The following TTC29 variants were observed in gnomAD, a reference collection of about 807,000 sequenced individuals.
TTC29 encodes the protein tetratricopeptide repeat domain 29.
In TTC29, 49 loss-of-function variants were observed where a neutral mutation model predicts 58.1. The ratio of observed to expected loss-of-function variants is 0.84; its 90% CI spans 0.67 to 1.07. The LOEUF is 1.07. TTC29 is among the 50% of genes least tolerant of loss of function. The probability of loss-of-function intolerance (pLI) is 0.00; values close to 1 mark genes in which losing one functional copy is unlikely to be tolerated. For missense variants in TTC29, 582 were observed against 555.6 expected (o/e 1.05, Z -0.48); for synonymous variants, 209 against 196.8 (o/e 1.06, Z -0.52).
chr4:146,735,016 A>C (rs1157668305), intron 11 of TTC29, among the ~76,000 whole-genome samples: 10 of 152,126 alleles, frequency 6.6e-5, no homozygotes, highest in Admixed American at 6.6e-4. Context: ...TGGATGCATA[A>C]GGAAATGCAA....
At chr4:146,820,344 G>C in intron 9 of TTC29, 96 bp from the exon 10 acceptor site, 1 of 1,349,396 alleles carries the variant, frequency 7.4e-7, no homozygotes, top group South Asian at 1.4e-5. Flanking sequence ...GAAAATGCAA[G>C]ATGGTTATCA....
intron 11 of TTC29, among the ~76,000 whole-genome samples, chr4:146,748,580 C>T (rs759662288): frequency 6.6e-6 from 1 of 152,190 alleles, no homozygotes; most frequent in Non-Finnish European, 1.5e-5. Flanking sequence ...GCCACCACCA[C>T]TGCCACAAAC....
intron 4 of TTC29, among the ~76,000 whole-genome samples, chr4:146,926,765 C>T (rs1400719086): frequency 6.6e-6 from 1 of 152,062 alleles, no homozygotes; most frequent in Non-Finnish European, 1.5e-5. Flanking sequence ...GTCCAGCCTA[C>T]AAAGTTTTAA....
intron 11 of TTC29, among the ~76,000 whole-genome samples, chr4:146,767,423 T>C (rs983491127): frequency 6.6e-5 from 10 of 152,014 alleles, no homozygotes; most frequent in East Asian, 1.9e-4. Context: ...TGAAAACTTA[T>C]TGTTTTGTCC....
intron 6 of TTC29, among the ~76,000 whole-genome samples, chr4:146,876,620 A>G (rs1561211813): frequency 6.6e-6 from 1 of 152,168 alleles, no homozygotes; most frequent in South Asian, 2.1e-4. Context: ...GTGGTGGATA[A>G]TCAGTAAACG....
At chr4:146,930,036 A>G (rs1735201690) in intron 4 of TTC29, among the ~76,000 whole-genome samples, 2 of 146,566 alleles carry the variant, frequency 1.4e-5, no homozygotes, top group Non-Finnish European at 3.0e-5. Flanking sequence ...CAATATATAT[A>G]TATATATTTA....
intron 8 of TTC29, among the ~76,000 whole-genome samples, chr4:146,839,208 T>C (rs988404094): frequency 6.6e-6 from 1 of 152,014 alleles, no homozygotes; most frequent in Non-Finnish European, 1.5e-5. Flanking sequence ...TTATAAGTAC[T>C]GTGTGCTAAC....
chr4:146,940,675 GA>G (rs1261599003), intron 2 of TTC29, among the ~76,000 whole-genome samples: 1 of 152,186 alleles, frequency 6.6e-6, no homozygotes, highest in Non-Finnish European at 1.5e-5. Context: ...TGTTAGCTGG[GA>G]CTCAACTGGG....
chr4:146,932,148 T>C (rs1735382652), intron 4 of TTC29, among the ~76,000 whole-genome samples: 1 of 152,190 alleles, frequency 6.6e-6, no homozygotes, highest in Non-Finnish European at 1.5e-5. Flanking sequence ...TCCTTCTCTC[T>C]TCCCATCTGC....
intron 6 of TTC29, among the ~76,000 whole-genome samples, chr4:146,885,421 C>T (rs1006496300): frequency 3.3e-5 from 5 of 151,880 alleles, no homozygotes; most frequent in African/African-American, 1.2e-4. Flanking sequence ...GTTATATATC[C>T]ATGCATAATT....
At chr4:146,938,158 T>G (rs1487320775) in intron 3 of TTC29, among the ~76,000 whole-genome samples, 1 of 152,154 alleles carries the variant, frequency 6.6e-6, no homozygotes, top group Non-Finnish European at 1.5e-5. Context: ...CTCAAATTAT[T>G]AAAGGTTCAA....
chr4:146,828,262 T>C (rs1423005529), intron 9 of TTC29, among the ~76,000 whole-genome samples: 1 of 152,142 alleles, frequency 6.6e-6, no homozygotes, highest in African/African-American at 2.4e-5. Flanking sequence ...AATATTTGTT[T>C]TGTGAAACTA....
chr4:146,763,988 C>T (rs115162896), intron 11 of TTC29: 11 of 152,180 alleles, frequency 7.2e-5, no homozygotes, highest in African/African-American at 2.4e-4. Context: ...AATGACTGCA[C>T]CTACCTCACT....
chr4:146,787,894 C>T (rs1749146861), intron 11 of TTC29, among the ~76,000 whole-genome samples: 1 of 75,172 alleles, frequency 1.3e-5, no homozygotes, highest in Non-Finnish European at 2.2e-5. Context: ...GCCAATCTGC[C>T]CCCTTTTTTT....
At chr4:146,939,148 T>G (rs1736124328) in intron 3 of TTC29, among the ~76,000 whole-genome samples, 1 of 152,234 alleles carries the variant, frequency 6.6e-6, no homozygotes, top group South Asian at 2.1e-4. Context: ...TGGGACCTTG[T>G]AGATTAAAAG....
intron 11 of TTC29, among the ~76,000 whole-genome samples, chr4:146,711,213 T>C (rs1742469220): frequency 1.3e-5 from 2 of 152,124 alleles, no homozygotes. Context: ...TGTTGTATGC[T>C]CACATGAATA....
intron 7 of TTC29, among the ~76,000 whole-genome samples, chr4:146,868,342 T>G (rs995960943): frequency 6.6e-6 from 1 of 152,170 alleles, no homozygotes; most frequent in South Asian, 2.1e-4. Flanking sequence ...CTGCACATTG[T>G]GCACATGTAC....
chr4:146,784,545 A>G (rs950709972), intron 11 of TTC29, among the ~76,000 whole-genome samples: 1 of 152,098 alleles, frequency 6.6e-6, no homozygotes, highest in Non-Finnish European at 1.5e-5. Context: ...GCCCTCATAA[A>G]TGGGATTAGT....
At chr4:146,895,120 C>G (rs1732682138) in intron 6 of TTC29, among the ~76,000 whole-genome samples, 2 of 152,186 alleles carry the variant, frequency 1.3e-5, no homozygotes. Flanking sequence ...ATAATGACTT[C>G]CAACTCTATC....
Sources: gnomAD v4.1 joint callset for allele counts (sites outside exome capture counted in the v4.1 genomes callset) on GRCh38, gnomAD v4.1.1 for gene constraint, MANE v1.5 for transcripts, NCBI Gene and HGNC (gene_info 2026-07-23, HGNC 2026-07-21) for gene names.